The following ZNF626 variants were observed in gnomAD, a reference collection of about 807,000 sequenced individuals.
ZNF626 encodes CTC-513N18.7.
ZNF626 carries 4 observed loss-of-function variants against 11.7 expected under a neutral mutation model. That is an observed-to-expected ratio of 0.34 (90% CI 0.17 to 0.78). The LOEUF is 0.78. Among genes scored for constraint, ZNF626 ranks in the 30% least tolerant of loss-of-function variants. The probability of loss-of-function intolerance (pLI) is 0.57; values close to 1 mark genes in which losing one functional copy is unlikely to be tolerated. For missense variants in ZNF626, 588 were observed against 587.1 expected, an observed-to-expected ratio of 1.00 and a Z score of -0.01; for synonymous variants, 179 against 198.6, an observed-to-expected ratio of 0.90 and a Z score of 0.83.
rs782349843 is a variant in ZNF626 at position 20,623,471 on chromosome 19, T to C, written c.*819A>G. On this transcript the variant is annotated 3_prime_UTR_variant, in exon 4 of 4. Coordinates refer to ENST00000601440, the MANE Select transcript of ZNF626 (RefSeq NM_001076675.3). ...ACATCTTTCAGGTTTGTAGAGTTCC[T>C]CTTCAGAATGAATTATCACCATGTC... 6.5e-6 allele frequency: 1 copy of C among 152,882 alleles called. No individual in the cohort carries two copies. The highest frequency in any genetic ancestry group is 1.5e-5 in the Non-Finnish European group (1 of 68,562). The allele number at this position is 152,882 out of a possible 1,614,324, so 9.5% of individuals were successfully genotyped here. A position where few individuals can be genotyped will look rare whatever the true frequency, so the allele number is the denominator to read the frequency against.
In ZNF626 at chr19:20,625,508, A is replaced by T; in HGVS notation, c.369T>A (p.Cys123Ter). Residue 123 changes from cysteine (C) to a stop codon, truncating the protein, a stop_gained, in exon 4 of 4, where the codon TGT becomes TGA. Coordinates refer to ENST00000601440, the MANE Select transcript of ZNF626 (RefSeq NM_001076675.3). LOFTEE classifies it low-confidence loss of function (END_TRUNC). Reference sequence around the variant, plus strand: ...CATTATAACCTTCTTTGTGCACCTTACACTCATCCACACTTATACATCCTT... The same window carrying T: ...CATTATAACCTTCTTTGTGCACCTTTCACTCATCCACACTTATACATCCTT... ...LKKGCISVDE[C>*]KVHKEGYNEL... 6.2e-7 allele frequency: 1 copy of T among 1,613,978 alleles called. No homozygotes were observed. The highest frequency in any genetic ancestry group is 8.5e-7 in the Non-Finnish European group (1 of 1,179,982).
chr19:20,628,822 A>G (rs1300355396), intron 3 of ZNF626, among the ~76,000 whole-genome samples: 3 of 152,134 alleles, frequency 2.0e-5, no homozygotes, highest in Non-Finnish European at 4.4e-5. Flanking sequence ...TTTCGTTGCC[A>G]TTGCTTTTGG....
At chr19:20,634,987 C>T (rs4599041) in intron 3 of ZNF626, among the ~76,000 whole-genome samples, 90,419 of 152,106 alleles carry the variant, frequency 0.59, 29,599 homozygotes, top group African/African-American at 0.88. Context: ...TGAAAGCCAA[C>T]AGGTTAAAAC....
At chr19:20,650,467 T>C (rs1970134521) in intron 1 of ZNF626, among the ~76,000 whole-genome samples, 1 of 152,214 alleles carries the variant, frequency 6.6e-6, no homozygotes, top group Non-Finnish European at 1.5e-5. Flanking sequence ...ACTAAGACCC[T>C]ATAACACATA....
In ZNF626 at chr19:20,646,353, T is replaced by C; in HGVS notation, c.56A>G (p.His19Arg). The part of the protein sequence containing the change: ...VAIEFSLEEW[H>R]CLDTAQRNLY... ...ATTCCGCTGTGCAGTGTCCAGGCAATGCCACTCCTCCAGAGAGAATTCTAT... is the reference window on the plus strand; with the variant it reads ...ATTCCGCTGTGCAGTGTCCAGGCAACGCCACTCCTCCAGAGAGAATTCTAT... The change falls in exon 2 of 4, where the codon CAT becomes CGT. Residue 19 changes from histidine to arginine, a missense_variant. Physicochemically the swap from His to Arg is conservative, Grantham distance 29 (BLOSUM62 0). Coordinates refer to ENST00000601440, the MANE Select transcript of ZNF626 (RefSeq NM_001076675.3). The C allele has an allele frequency of 6.2e-7, 1 of 1,614,128 alleles. No individual in the cohort carries two copies. The highest frequency in any genetic ancestry group is 8.5e-7 in the Non-Finnish European group (1 of 1,180,010).
intron 1 of ZNF626, among the ~76,000 whole-genome samples, chr19:20,649,067 T>C (rs1173491924): frequency 6.6e-6 from 1 of 151,808 alleles, no homozygotes; most frequent in East Asian, 1.9e-4. Context: ...GGAGGCAGAG[T>C]CGACATAGCT....
At chr19:20,632,603 G>A (rs11880158) in intron 3 of ZNF626, among the ~76,000 whole-genome samples, 67,969 of 151,446 alleles carry the variant, frequency 0.45, 16,431 homozygotes, top group African/African-American at 0.64. Context: ...TTCTGCATTC[G>A]TCACATAGCT....
intron 3 of ZNF626, chr19:20,645,387 T>C: frequency 6.2e-7 from 1 of 1,604,044 alleles, no homozygotes; most frequent in Non-Finnish European, 8.5e-7. Context: ...AGCCACACTG[T>C]GCAGTCTCTT....
In ZNF626 at chr19:20,661,534, G is replaced by T. The variant is rs1970268999; in HGVS notation, c.-88C>A. On this transcript the variant is annotated 5_prime_UTR_variant, in exon 1 of 4. Transcript: ENST00000601440. ...GGCCACACAGCCTGGGCCTTTAGGA[G>T]AAGAACCAGACCTGGAGCTCTGACT... 1 of 1,492,354 alleles carries T rather than the reference G, an allele frequency of 6.7e-7. No individual in the cohort carries two copies. The highest frequency in any genetic ancestry group is 9.2e-7 in the Non-Finnish European group (1 of 1,085,782). 92.4% of individuals were successfully genotyped at this position (1,492,354 alleles called of 1,614,324 possible).
chr19:20,624,100 T>C lies in ZNF626; in HGVS notation c.*190A>G, dbSNP rs1555769088. On this transcript the variant is annotated 3_prime_UTR_variant, in exon 4 of 4. Transcript: ENST00000601440. ...AGCTTTACCACATTATTCACATCTG[T>C]AGGGTTTCTCTCCAGTATGAAATCT... 2.1e-6 allele frequency: 2 copies of C among 962,096 alleles called. No homozygotes were observed. Among genetic ancestry groups the C allele is most frequent in the South Asian group, 2.6e-5 (2 of 76,912 alleles). 59.6% of individuals were successfully genotyped at this position (962,096 alleles called of 1,614,324 possible).
At position 20,630,093 on chromosome 19, in the gene ZNF626, G is replaced by A. The variant is rs368339291; in HGVS notation, c.227-4443C>T. 2.1e-4 allele frequency among the ~76,000 whole-genome samples: 32 copies of A among 152,230 alleles called. No individual in the cohort carries two copies. The East Asian group carries it at 2.9e-3, about 14-fold the overall frequency. On this transcript the variant is annotated intron_variant, in intron 3 of 3. Transcript: ENST00000601440. ...TGCTGGAGTATGTTTATTGATTTGC[G>A]TATGTCGAACCAGCCTTGCATCCCA...
At position 20,638,882 on chromosome 19, in the gene ZNF626, T is replaced by A. The variant is rs537900226; in HGVS notation, c.226+6802A>T. On this transcript the variant is annotated intron_variant, in intron 3 of 3. Transcript: ENST00000601440. The stretch of plus-strand genomic sequence containing the variant: ...GTAAATGGAAAATTCAGAAAAAAAA[T>A]AAGAAACAGGAAACTTAGAAAACAT... Among the ~76,000 whole-genome samples, 36 of 151,848 alleles carry A rather than the reference T, an allele frequency of 2.4e-4. No homozygotes were observed. The South Asian group carries it at 7.0e-3, about 30-fold the overall frequency.
rs1381680600 is a variant in ZNF626 at position 20,649,125 on chromosome 19, TCTC to T, written c.4-2723_4-2721del. Among the ~76,000 whole-genome samples, 371 of 152,254 alleles carry T rather than the reference TCTC, an allele frequency of 2.4e-3. 2 individuals carry two copies. Among genetic ancestry groups the T allele is most frequent in the African/African-American group, 8.5e-3 (354 of 41,546 alleles). On this transcript the variant is annotated intron_variant, in intron 1 of 3. Coordinates refer to ENST00000601440, the MANE Select transcript of ZNF626 (RefSeq NM_001076675.3). ...TGAAGAAAAGCCACTTTTTTTTCTT[TCTC>T]CTCCTTCTCTGGATTCCTTCTCAGA...
chr19:20,625,851 A>C (rs1969824871), intron 3 of ZNF626, among the ~76,000 whole-genome samples: 1 of 152,192 alleles, frequency 6.6e-6, no homozygotes, highest in Non-Finnish European at 1.5e-5. Context: ...ACTTATAATA[A>C]GTTGTGAAGG....
Position 20,624,969 on chromosome 19 carries a change from T to C in ZNF626, c.908A>G (p.His303Arg), listed in dbSNP as rs200978080. Residue 303 changes from histidine to arginine, a missense_variant, in exon 4 of 4, where the codon CAT (histidine) becomes CGT (arginine). Transcript: ENST00000601440. ...TTTTTCTCCAGTATGAATTATCTTA[T>C]GTGTAGTAAGGGTTGAGGACCGGTT... ...AFNRSSTLTT[H>R]KIIHTGEKPY... 103 of 1,613,878 alleles carry C rather than the reference T, an allele frequency of 6.4e-5. No individual in the cohort carries two copies. In the African/African-American group the frequency reaches 1.0e-3, roughly 16 times the overall value.
intron 3 of ZNF626, among the ~76,000 whole-genome samples, chr19:20,633,939 C>G (rs140515300): frequency 2.0e-5 from 3 of 152,276 alleles, no homozygotes; most frequent in Non-Finnish European, 2.9e-5. Flanking sequence ...GCTCCTCCCC[C>G]CTCATGTAAA....
intron 3 of ZNF626, among the ~76,000 whole-genome samples, chr19:20,638,838 C>T (rs148296352): frequency 6.6e-6 from 1 of 151,874 alleles, no homozygotes; most frequent in East Asian, 1.9e-4. Context: ...TCATTGTAGA[C>T]ATCAAGACCC....
chr19:20,656,712 A>G (rs1970209486), intron 1 of ZNF626, among the ~76,000 whole-genome samples: 1 of 151,418 alleles, frequency 6.6e-6, no homozygotes, highest in Non-Finnish European at 1.5e-5. Context: ...ATCGCTAGTC[A>G]TTAGAGAAAT....
rs1233825413 is a variant in ZNF626 at position 20,620,032 on chromosome 19, A to G, written c.*4258T>C. On this transcript the variant is annotated 3_prime_UTR_variant, in exon 4 of 4. Transcript: ENST00000601440. Reference sequence around the variant, plus strand: ...TATTCCTTTATGTGTCATTTTATACATTCACACACACATAGAACAATAAAA... The same window carrying G: ...TATTCCTTTATGTGTCATTTTATACGTTCACACACACATAGAACAATAAAA... 6.6e-6 allele frequency: 1 copy of G among 152,166 alleles called. No individual in the cohort carries two copies. Among genetic ancestry groups the G allele is most frequent in the Non-Finnish European group, 1.5e-5 (1 of 68,040 alleles). The allele number at this position is 152,166 out of a possible 1,614,324, so 9.4% of individuals were successfully genotyped here.
Sources: allele counts gnomAD v4.1 joint callset (sites outside exome capture counted in the v4.1 genomes callset), GRCh38; gene constraint gnomAD v4.1.1; transcripts MANE v1.5; gene names NCBI Gene and HGNC (gene_info 2026-07-23, HGNC 2026-07-21).